CFH: variants seen among roughly 807,000 people sequenced by gnomAD.
CFH encodes the protein complement factor H.
In CFH, 53 loss-of-function variants were observed where a neutral mutation model predicts 147.3. The observed-to-expected ratio is 0.36, with a 90% CI of 0.29 to 0.45. CFH has a LOEUF of 0.45. CFH is among the 20% of genes least tolerant of loss of function. CFH has a pLI of 1.00. For synonymous variants in CFH, 536 were observed against 489.4 expected, an observed-to-expected ratio of 1.10 and a Z score of -1.26; for missense variants, 1,380 against 1,498.0, an observed-to-expected ratio of 0.92 and a Z score of 1.30.
chr1:196,668,897 G>A (rs1386367362), intron 1 of CFH, among the ~76,000 whole-genome samples: 1 of 152,178 alleles, frequency 6.6e-6, no homozygotes, highest in Non-Finnish European at 1.5e-5. Context: ...CTCAAAATGT[G>A]GAAGTGACTT....
At chr1:196,706,243 C>T (rs1159955243) in intron 9 of CFH, among the ~76,000 whole-genome samples, 5 of 151,998 alleles carry the variant, frequency 3.3e-5, no homozygotes, top group Non-Finnish European at 5.9e-5. Flanking sequence ...CTCATGGGGC[C>T]GTTTGGAAAG....
At chr1:196,710,311 A>G (rs1668696583) in intron 9 of CFH, among the ~76,000 whole-genome samples, 2 of 152,092 alleles carry the variant, frequency 1.3e-5, no homozygotes, top group Admixed American at 6.6e-5. Flanking sequence ...CTTTGCTGCA[A>G]ACCCTACTGT....
At chr1:196,692,992 A>G (rs1189376722) in intron 9 of CFH, among the ~76,000 whole-genome samples, 1 of 144,738 alleles carries the variant, frequency 6.9e-6, no homozygotes, top group Non-Finnish European at 1.5e-5. Context: ...TTACTATTTT[A>G]CTCTTCATGC....
chr1:196,735,646 G>A (rs1669383172), intron 15 of CFH, among the ~76,000 whole-genome samples: 1 of 151,762 alleles, frequency 6.6e-6, no homozygotes, highest in African/African-American at 2.4e-5. Context: ...CAATCTAGAA[G>A]GTAGACAGGA....
chr1:196,665,337 T>G (rs28688002), intron 1 of CFH, among the ~76,000 whole-genome samples: 1 of 150,296 alleles, frequency 6.7e-6, no homozygotes, highest in African/African-American at 2.4e-5. Flanking sequence ...TTTTTTGATA[T>G]TTATTCATAC....
chr1:196,738,045 A>T (rs991709684), intron 17 of CFH, among the ~76,000 whole-genome samples: 1 of 152,124 alleles, frequency 6.6e-6, no homozygotes, highest in Non-Finnish European at 1.5e-5. Context: ...AAGCAAACGC[A>T]TGAAGACAGG....
At position 196,736,631 on chromosome 1, in the gene CFH, A is replaced by G. The variant is rs79455465; in HGVS notation, c.2414-193A>G. ...AGTTCTATTGTTTAATGTAACTGTT[A>G]CACAGCTGAAAAGTATAATATTTGC... On this transcript the variant is annotated intron_variant, in intron 15 of 21. Coordinates refer to ENST00000367429, the MANE Select transcript of CFH (RefSeq NM_000186.4). Among the ~76,000 whole-genome samples the G allele has an allele frequency of 7.6e-4, 116 of 152,076 alleles. 1 individual carries two copies. In the East Asian group the frequency reaches 0.02, roughly 27 times the overall value.
intron 15 of CFH, among the ~76,000 whole-genome samples, chr1:196,734,520 C>A (rs796202938): frequency 2.0e-4 from 31 of 152,250 alleles, no homozygotes; most frequent in African/African-American, 7.2e-4. Context: ...TCACTCTTAT[C>A]TTTCCTCTCT....
intron 1 of CFH, among the ~76,000 whole-genome samples, chr1:196,665,483 ATTTTAAATTTG>A (rs892571075): frequency 6.6e-6 from 1 of 151,832 alleles, no homozygotes; most frequent in African/African-American, 2.4e-5. Flanking sequence ...ATATGTATTT[ATTTTAAATTTG>A]TTTAAACCTA....
intron 1 of CFH, among the ~76,000 whole-genome samples, chr1:196,671,082 G>T (rs1422822809): frequency 6.6e-6 from 1 of 151,888 alleles, no homozygotes; most frequent in Non-Finnish European, 1.5e-5. Flanking sequence ...GTGTCCATTT[G>T]ATTCTTAAAA....
rs185637188 is a variant in CFH at position 196,729,775 on chromosome 1, T to C, written c.2413+1253T>C. Among the ~76,000 whole-genome samples, 3 of 152,146 alleles carry C rather than the reference T, an allele frequency of 2.0e-5. No individual in the cohort carries two copies. The East Asian group carries it at 5.8e-4, about 29-fold the overall frequency. On this transcript the variant is annotated intron_variant, in intron 15 of 21. Coordinates refer to ENST00000367429, the MANE Select transcript of CFH (RefSeq NM_000186.4). ...CTGACTTAATCTGTTGCCTCATGAT[T>C]ACTCTGTTCAGATTTTCTATTTCCT...
intron 9 of CFH, chr1:196,700,922 C>A (rs892904947): frequency 1.2e-5 from 11 of 925,106 alleles, no homozygotes; most frequent in South Asian, 5.0e-5. Flanking sequence ...GAGCAGCTGG[C>A]ACCCCATTTC....
chr1:196,737,360 T>C, intron 16 of CFH, 115 bp from the exon 17 acceptor site: 1 of 786,266 alleles, frequency 1.3e-6, no homozygotes, highest in Admixed American at 2.4e-5. Flanking sequence ...TGTTTTTAAA[T>C]AATTTTATTT....
chr1:196,709,462 A>G (rs1368354170), intron 9 of CFH, among the ~76,000 whole-genome samples: 1 of 152,114 alleles, frequency 6.6e-6, no homozygotes, highest in Non-Finnish European at 1.5e-5. Flanking sequence ...AGAAGCTAGA[A>G]TGGCCATTGC....
intron 1 of CFH, among the ~76,000 whole-genome samples, chr1:196,662,816 G>T (rs908728207): frequency 2.0e-5 from 3 of 151,942 alleles, no homozygotes; most frequent in African/African-American, 7.3e-5. Flanking sequence ...AGGGGGTCAG[G>T]GTCGCAGCGA....
chr1:196,681,257 C>T (rs1667644061), intron 6 of CFH, among the ~76,000 whole-genome samples: 1 of 151,756 alleles, frequency 6.6e-6, no homozygotes, highest in South Asian at 2.1e-4. Context: ...CAAAATAAGA[C>T]TCTGGGAATT....
At chr1:196,661,245 A>G (rs1003327307) in intron 1 of CFH, among the ~76,000 whole-genome samples, 1 of 152,128 alleles carries the variant, frequency 6.6e-6, no homozygotes, top group Non-Finnish European at 1.5e-5. Context: ...GCCCATAAAA[A>G]CTTTCACATT....
In CFH at chr1:196,673,908, C is replaced by T. The variant is rs1355378774; in HGVS notation, c.296C>T (p.Thr99Ile). 2 of 1,613,300 alleles carry T rather than the reference C, an allele frequency of 1.2e-6. No homozygotes were observed. Among genetic ancestry groups the T allele is most frequent in the Non-Finnish European group, 1.7e-6 (2 of 1,179,694 alleles). ...GDTPFGTFTL[T>I]GGNVFEYGVK... Reference sequence around the variant, plus strand: ...ACTCCTTTTGGTACTTTTACCCTTACAGGAGGAAATGTGTTTGAATATGGT... The same window carrying T: ...ACTCCTTTTGGTACTTTTACCCTTATAGGAGGAAATGTGTTTGAATATGGT... Residue 99 changes from threonine (T) to isoleucine (I), a missense_variant, in exon 3 of 22, where the codon ACA becomes ATA. Physicochemically the swap from Thr to Ile is moderately conservative, Grantham distance 89 (BLOSUM62 -1). This residue lies in a region of CFH where 260 missense variants were observed against 263.3 expected (regional missense o/e 0.99). Transcript: ENST00000367429.
chr1:196,689,613 C>T lies in CFH; in HGVS notation c.1158C>T (p.Leu386=). 1 of 1,613,296 alleles carries T rather than the reference C, an allele frequency of 6.2e-7. No individual in the cohort carries two copies. Among genetic ancestry groups the T allele is most frequent in the Non-Finnish European group, 8.5e-7 (1 of 1,179,498 alleles). The change falls in exon 8 of 22, where the codon CTC becomes CTT. Residue 386 remains leucine (L), a splice_region_variant and synonymous_variant. Transcript: ENST00000367429. ...GATGGTCGCCAGCAGTACCATGCCT[C>T]AGTAAGTAAACCTCTGAACTGCTAT... ...QDGWSPAVPC[L]RKCYFPYLEN...
Sources: allele counts gnomAD v4.1 joint callset (sites outside exome capture counted in the v4.1 genomes callset), GRCh38; gene constraint gnomAD v4.1.1; regional missense constraint gnomAD v4.1.1; transcripts MANE v1.5; gene names NCBI Gene and HGNC (gene_info 2026-07-23, HGNC 2026-07-21).